Variants in DRP2 observed in about 807,000 individuals in gnomAD.
DRP2 encodes dystrophin-related protein 2.
A neutral mutation model predicts 78.2 loss-of-function variants in DRP2; 29 were observed. That is an observed-to-expected ratio of 0.37 (90% CI 0.28 to 0.51). The LOEUF (loss-of-function observed/expected upper bound fraction) is 0.51, where lower values mean the gene tolerates loss of function less well. Ranked by LOEUF, DRP2 falls within the 20% of genes least tolerant of loss-of-function variation. DRP2 has a pLI of 0.94. For missense variants in DRP2, 686 were observed against 770.6 expected, an observed-to-expected ratio of 0.89 and a Z score of 1.30; for synonymous variants, 290 against 281.9, an observed-to-expected ratio of 1.03 and a Z score of -0.29.
intron 6 of DRP2, among the ~76,000 whole-genome samples, chrX:101,240,328 A>G (rs906838303): frequency 1.2e-5 from 1 of 81,895 alleles, no homozygotes; most frequent in Non-Finnish European, 2.5e-5. Context: ...GGCCCAAGCT[A>G]TCCTCCAGCC....
intron 3 of DRP2, 35 bp downstream of exon 3, chrX:101,231,799 GA>G: frequency 8.8e-7 from 1 of 1,135,061 alleles, no homozygotes; most frequent in Non-Finnish European, 1.2e-6. Flanking sequence ...GACCTGTGGA[GA>G]AAGTGGACAC....
intron 6 of DRP2, 83 bp from the exon 7 acceptor site, chrX:101,241,585 T>G: frequency 9.1e-7 from 1 of 1,095,811 alleles, no homozygotes; most frequent in Non-Finnish European, 1.2e-6. Flanking sequence ...TACACACACA[T>G]TTTATAAAGG....
At chrX:101,232,538 C>T (rs1007986497) in intron 3 of DRP2, among the ~76,000 whole-genome samples, 1 of 110,440 alleles carries the variant, frequency 9.1e-6, no homozygotes, top group Non-Finnish European at 1.9e-5. Flanking sequence ...AGGCAGCGGC[C>T]GAATATACAG....
At position 101,262,164 on chromosome X, in the gene DRP2, C is replaced by T. The variant is rs1923581204; in HGVS notation, c.*1543C>T. On this transcript the variant is annotated 3_prime_UTR_variant, in exon 24 of 24. Transcript: ENST00000395209. ...CTGGCTGTTCCCCTAGGATATCTCT[C>T]TCCATTGATGTTTGGGGTGGGCTGT... is the stretch of plus-strand genomic sequence containing the variant. 9.0e-6 allele frequency: 1 copy of T among 111,605 alleles called. No individual in the cohort carries two copies. The highest frequency in any genetic ancestry group is 1.9e-5 in the Non-Finnish European group (1 of 53,123). The allele number at this position is 111,605 out of a possible 1,213,427, so 9.2% of individuals were successfully genotyped here.
At chrX:101,238,108 T>C (rs1199696312) in intron 5 of DRP2, among the ~76,000 whole-genome samples, 1 of 111,542 alleles carries the variant, frequency 9.0e-6, no homozygotes, top group African/African-American at 3.3e-5. Flanking sequence ...TATAGATGAG[T>C]GTGATGTTTA....
chrX:101,244,526 A>G (rs944184343), intron 9 of DRP2, among the ~76,000 whole-genome samples: 3 of 111,664 alleles, frequency 2.7e-5, no homozygotes, highest in Non-Finnish European at 3.8e-5. Flanking sequence ...AGAGAGAGGC[A>G]TGAGTTTCCA....
rs575332794 is a variant in DRP2 at position 101,263,839 on chromosome X, C to T, written c.*3218C>T. 9.0e-6 allele frequency: 1 copy of T among 111,728 alleles called. No individual in the cohort carries two copies. The highest frequency in any genetic ancestry group is 4.6e-3 in the Middle Eastern group (1 of 217). 9.2% of individuals were successfully genotyped at this position (111,728 alleles called of 1,213,427 possible). On this transcript the variant is annotated 3_prime_UTR_variant, in exon 24 of 24. Transcript: ENST00000395209. Reference sequence around the variant, plus strand: ...GCCAATCCTAGGAGATGTTTTCCCTCCAGATTCATTTTAAGGAATATCTGT... The same window carrying T: ...GCCAATCCTAGGAGATGTTTTCCCTTCAGATTCATTTTAAGGAATATCTGT...
In DRP2 at chrX:101,250,527, G is replaced by A; in HGVS notation, c.1645G>A (p.Ala549Thr). The A allele has an allele frequency of 3.3e-6, 4 of 1,210,176 alleles. No individual in the cohort carries two copies. Among genetic ancestry groups the A allele is most frequent in the Non-Finnish European group, 4.5e-6 (4 of 894,750 alleles). The change falls in exon 15 of 24, where the codon GCA becomes ACA. Residue 549 changes from alanine (A) to threonine (T), a missense_variant. This residue lies in a region of DRP2 where 423 missense variants were observed against 531.5 expected (regional missense o/e 0.80). Coordinates refer to ENST00000395209, the MANE Select transcript of DRP2 (RefSeq NM_001939.3). ...GGTGCCCCGTCAGCTGGGTGAAGTG[G>A]CAGCCTTTGGGGGCAGCAATGTGGA... ...IQVPRQLGEV[A>T]AFGGSNVEPS...
chrX:101,258,217 A>T (rs942947441), intron 21 of DRP2, 92 bp from the exon 22 acceptor site: 1 of 770,919 alleles, frequency 1.3e-6, no homozygotes. Context: ...GAGCACAGGG[A>T]TTGTTCACAC....
At position 101,254,463 on chromosome X, in the gene DRP2, C is replaced by G; in HGVS notation, c.2016C>G (p.Thr672=). 1 of 1,211,931 alleles carries G rather than the reference C, an allele frequency of 8.3e-7. No individual in the cohort carries two copies. The highest frequency in any genetic ancestry group is 2.2e-5 in the Admixed American group (1 of 46,065). The change falls in exon 18 of 24, where the codon ACC becomes ACG. Residue 672 remains threonine (T), a synonymous_variant. Transcript: ENST00000395209. ...AGAACATGAGGGACTTTGCCACAAC[C>G]TTAAAGAACAAATTCCGCTCCAAGC... ...SSENMRDFAT[T]LKNKFRSKHY... is the part of the protein sequence containing the mutation.
rs1346537926 is a variant in DRP2 at position 101,263,238 on chromosome X, G to A, written c.*2617G>A. ...CTTGGGTACTATGAATCCAACTTGG[G>A]GTTGGATTTACCAAAATGTGTTGTA... On this transcript the variant is annotated 3_prime_UTR_variant, in exon 24 of 24. Coordinates refer to ENST00000395209, the MANE Select transcript of DRP2 (RefSeq NM_001939.3). 1 of 111,808 alleles carries A rather than the reference G, an allele frequency of 8.9e-6. No homozygotes were observed. Among genetic ancestry groups the A allele is most frequent in the Non-Finnish European group, 1.9e-5 (1 of 53,112 alleles). The allele number at this position is 111,808 out of a possible 1,213,427, so 9.2% of individuals were successfully genotyped here.
At chrX:101,235,727 ACAGAGAATAG>A in intron 3 of DRP2, 123 bp from the exon 4 acceptor site, 1 of 643,382 alleles carries the variant, frequency 1.6e-6, no homozygotes. Flanking sequence ...CCCTGAACAC[ACAGAGAATAG>A]CATTTCTGAA....
chrX:101,247,009 T>C, intron 11 of DRP2, 81 bp from the exon 12 acceptor site: 1 of 882,084 alleles, frequency 1.1e-6, no homozygotes, highest in African/African-American at 2.0e-5. Context: ...GTTGCCAGTC[T>C]GGTGGGTGTA....
At chrX:101,256,881 A>G (rs1406833058) in intron 21 of DRP2, among the ~76,000 whole-genome samples, 4 of 107,021 alleles carry the variant, frequency 3.7e-5, no homozygotes, top group Non-Finnish European at 5.8e-5. Context: ...ATGTAACCCA[A>G]ATTTTTCCAA....
chrX:101,222,672 C>G (rs1437940133), intron 1 of DRP2, among the ~76,000 whole-genome samples: 1 of 112,610 alleles, frequency 8.9e-6, no homozygotes, highest in East Asian at 2.8e-4. Flanking sequence ...TCAGCATGGG[C>G]TTTGTTGCAT....
At chrX:101,229,479 G>A (rs1344415277) in intron 2 of DRP2, among the ~76,000 whole-genome samples, 4 of 111,794 alleles carry the variant, frequency 3.6e-5, no homozygotes, top group Non-Finnish European at 7.5e-5. Context: ...CTGAGGAGGA[G>A]GGGTGGGTAC....
chrX:101,260,032 G>A lies in DRP2; in HGVS notation c.2629-17G>A. The A allele has an allele frequency of 8.3e-7, 1 of 1,210,994 alleles. No individual in the cohort carries two copies. Among genetic ancestry groups the A allele is most frequent in the Non-Finnish European group, 1.1e-6 (1 of 895,157 alleles). ...AGGAAGGCAAATCCACTTAAGTCAT[G>A]CCTTACCTCTTGCTAGCCACCCACC... On this transcript the variant is annotated splice_polypyrimidine_tract_variant and intron_variant, in intron 22 of 23. Transcript: ENST00000395209.
At position 101,263,455 on chromosome X, in the gene DRP2, A is replaced by G. The variant is rs185349297; in HGVS notation, c.*2834A>G. On this transcript the variant is annotated 3_prime_UTR_variant, in exon 24 of 24. Transcript: ENST00000395209. ...TTTGCTGGGGTTGTTGTCAAATAGT[A>G]TCAGAGAACAGTTAGGACTGAGAGG... 8.9e-6 allele frequency: 1 copy of G among 112,081 alleles called. No homozygotes were observed. Among genetic ancestry groups the G allele is most frequent in the East Asian group, 2.8e-4 (1 of 3,566 alleles). The allele number at this position is 112,081 out of a possible 1,213,427, so 9.2% of individuals were successfully genotyped here.
chrX:101,246,675 G>A (rs1424296751), intron 11 of DRP2, among the ~76,000 whole-genome samples: 1 of 112,328 alleles, frequency 8.9e-6, no homozygotes, highest in Non-Finnish European at 1.9e-5. Context: ...TCCTTAGCAA[G>A]AGTCATAGTT....
Sources: allele counts gnomAD v4.1 joint callset (sites outside exome capture counted in the v4.1 genomes callset), GRCh38; gene constraint gnomAD v4.1.1; regional missense constraint gnomAD v4.1.1; transcripts MANE v1.5; gene names NCBI Gene and HGNC (gene_info 2026-07-23, HGNC 2026-07-21).